Variants in NR3C2 observed in about 807,000 individuals in gnomAD.
NR3C2 encodes nuclear receptor subfamily 3 group C member 2.
A neutral mutation model predicts 86.4 loss-of-function variants in NR3C2; 15 were observed. The observed-to-expected ratio is 0.17, with a 90% confidence interval of 0.12 to 0.27. The LOEUF (loss-of-function observed/expected upper bound fraction) is 0.27. NR3C2 is among the 10% of genes least tolerant of loss of function. The probability of loss-of-function intolerance (pLI) is 1.00; values close to 1 mark genes in which losing one functional copy is unlikely to be tolerated. For synonymous variants in NR3C2, 458 were observed against 450.5 expected, an observed-to-expected ratio of 1.02 and a Z score of -0.21; for missense variants, 960 against 1,195.6, an observed-to-expected ratio of 0.80 and a Z score of 2.91.
chr4:148,330,223 G>A (rs1221135256), intron 2 of NR3C2, among the ~76,000 whole-genome samples: 2 of 152,026 alleles, frequency 1.3e-5, no homozygotes, highest in African/African-American at 4.8e-5. Context: ...CCTAATGAAA[G>A]CCCCACAATA....
chr4:148,392,328 T>C (rs920295394), intron 2 of NR3C2, among the ~76,000 whole-genome samples: 2 of 152,248 alleles, frequency 1.3e-5, no homozygotes, highest in African/African-American at 4.8e-5. Flanking sequence ...ATAGAAAAGA[T>C]AATAATGTGC....
At position 148,436,226 on chromosome 4, in the gene NR3C2, G is replaced by T. The variant is rs1560736645; in HGVS notation, c.635C>A (p.Ser212Tyr). 6.2e-7 allele frequency: 1 copy of T among 1,614,206 alleles called. No homozygotes were observed. ...AAAGCTGGCTGTGGTGGAGGACACA[G>T]AGTTGATTCCAGCAGGGCTGCAAAC... Reference protein sequence around the residue: ...SSVCSPAGINSVSSTTASFGS... With the variant: ...SSVCSPAGINYVSSTTASFGS... Residue 212 changes from serine (S) to tyrosine (Y), a missense_variant, in exon 2 of 9, where the codon TCT (serine) becomes TAT (tyrosine). This residue lies in a region of NR3C2 where 680 missense variants were observed against 719.0 expected (regional missense o/e 0.95). Coordinates refer to ENST00000358102, the MANE Select transcript of NR3C2 (RefSeq NM_000901.5).
At chr4:148,110,466 A>G (rs1732000866) in intron 8 of NR3C2, among the ~76,000 whole-genome samples, 1 of 152,216 alleles carries the variant, frequency 6.6e-6, no homozygotes. Context: ...CTGAGTATAG[A>G]GCCAGCGCAT....
In NR3C2 at chr4:148,102,442, C is replaced by G. The variant is rs534768758; in HGVS notation, c.2799+11662G>C. Among the ~76,000 whole-genome samples, 8 of 152,278 alleles carry G rather than the reference C, an allele frequency of 5.3e-5. No homozygotes were observed. The East Asian group carries it at 1.5e-3, about 29-fold the overall frequency. On this transcript the variant is annotated intron_variant, in intron 8 of 8. Transcript: ENST00000358102. ...TACGTCCTAAACAAGCTCTTCATCC[C>G]CCCTCCCAGATCTCCTGGCCCTGAG...
In NR3C2 at chr4:148,154,536, G is replaced by A; in HGVS notation, c.2365+15C>T. ...AAGTTCAGGATGCAGCCTGTGAAAG[G>A]AGAGGCAATCCTACCTGGAAGTACC... is the stretch of plus-strand genomic sequence containing the variant. On this transcript the variant is annotated intron_variant, in intron 5 of 8. Transcript: ENST00000358102. The A allele has an allele frequency of 1.9e-6, 3 of 1,611,952 alleles. No homozygotes were observed. The highest frequency in any genetic ancestry group is 2.5e-6 in the Non-Finnish European group (3 of 1,178,100).
chr4:148,254,714 A>G (rs371117114), intron 3 of NR3C2, among the ~76,000 whole-genome samples: 1 of 152,170 alleles, frequency 6.6e-6, no homozygotes, highest in African/African-American at 2.4e-5. Flanking sequence ...AATTCTGAAA[A>G]AGGAGAAAAG....
intron 2 of NR3C2, among the ~76,000 whole-genome samples, chr4:148,297,593 C>T (rs1402616621): frequency 6.6e-6 from 1 of 152,010 alleles, no homozygotes; most frequent in Non-Finnish European, 1.5e-5. Flanking sequence ...AACCATGTGT[C>T]TACTAAAACT....
At chr4:148,097,741 G>A (rs952885283) in intron 8 of NR3C2, among the ~76,000 whole-genome samples, 17 of 107,504 alleles carry the variant, frequency 1.6e-4, no homozygotes, top group Non-Finnish European at 2.4e-4. Context: ...ACTTTTTTGC[G>A]TTTTTTTTTG....
At chr4:148,267,344 T>C (rs1053141271) in intron 2 of NR3C2, among the ~76,000 whole-genome samples, 5 of 151,696 alleles carry the variant, frequency 3.3e-5, no homozygotes, top group Non-Finnish European at 4.4e-5. Context: ...GAATTAGAAC[T>C]CCTGGTTTCC....
At chr4:148,351,495 GACC>G (rs1253506662) in intron 2 of NR3C2, among the ~76,000 whole-genome samples, 1 of 152,038 alleles carries the variant, frequency 6.6e-6, no homozygotes, top group East Asian at 1.9e-4. Context: ...TTCTGATCAG[GACC>G]ATCTATTACT....
chr4:148,408,177 C>A (rs1280731407), intron 2 of NR3C2, among the ~76,000 whole-genome samples: 1 of 152,144 alleles, frequency 6.6e-6, no homozygotes, highest in Non-Finnish European at 1.5e-5. Context: ...GGGACCACTA[C>A]CTCTAAGTGA....
At chr4:148,135,712 GA>G (rs1408965710) in intron 6 of NR3C2, among the ~76,000 whole-genome samples, 1 of 244 alleles carries the variant, frequency 4.1e-3, no homozygotes, top group Non-Finnish European at 8.5e-3. Flanking sequence ...TTCAATTTAG[GA>G]GCAACCATCT....
intron 3 of NR3C2, among the ~76,000 whole-genome samples, chr4:148,221,722 A>G (rs1579031536): frequency 6.6e-6 from 1 of 151,892 alleles, no homozygotes; most frequent in Non-Finnish European, 1.5e-5. Flanking sequence ...GTGAAAGCCC[A>G]TCTCTACTAG....
chr4:148,347,550 C>T (rs1286640634), intron 2 of NR3C2, among the ~76,000 whole-genome samples: 1 of 152,086 alleles, frequency 6.6e-6, no homozygotes, highest in Non-Finnish European at 1.5e-5. Context: ...ATTCTTCATT[C>T]CATACCCAAT....
At chr4:148,226,424 T>C (rs1056047482) in intron 3 of NR3C2, among the ~76,000 whole-genome samples, 2 of 152,226 alleles carry the variant, frequency 1.3e-5, no homozygotes, top group Non-Finnish European at 2.9e-5. Flanking sequence ...CTGGGTTGTA[T>C]GCATCAGTAG....
At chr4:148,337,258 T>C (rs919380397) in intron 2 of NR3C2, among the ~76,000 whole-genome samples, 3 of 152,240 alleles carry the variant, frequency 2.0e-5, no homozygotes, top group Non-Finnish European at 4.4e-5. Context: ...TTCAGTGGCA[T>C]GGGAAGAGGT....
chr4:148,300,333 T>A (rs1336183601), intron 2 of NR3C2, among the ~76,000 whole-genome samples: 2 of 152,200 alleles, frequency 1.3e-5, no homozygotes, highest in Admixed American at 1.3e-4. Context: ...TTTTCCTCTC[T>A]CTGAGCACCT....
At chr4:148,100,560 C>T (rs1449352084) in intron 8 of NR3C2, among the ~76,000 whole-genome samples, 1 of 152,038 alleles carries the variant, frequency 6.6e-6, no homozygotes, top group African/African-American at 2.4e-5. Context: ...AAAAGAAATC[C>T]CAGAAAATAA....
chr4:148,370,954 A>G (rs889771389), intron 2 of NR3C2, among the ~76,000 whole-genome samples: 4 of 151,678 alleles, frequency 2.6e-5, no homozygotes, highest in Admixed American at 1.3e-4. Flanking sequence ...GCAGCTTGGA[A>G]CTCCTAGACT....
Sources: allele counts gnomAD v4.1 joint callset (sites outside exome capture counted in the v4.1 genomes callset), GRCh38; gene constraint gnomAD v4.1.1; regional missense constraint gnomAD v4.1.1; transcripts MANE v1.5; gene names NCBI Gene and HGNC (gene_info 2026-07-23, HGNC 2026-07-21).